Variants in SLC40A1 observed in about 807,000 individuals in gnomAD.
The protein encoded by SLC40A1 is ferroportin.
A neutral mutation model predicts 53.5 loss-of-function variants in SLC40A1; 16 were observed. That is an observed-to-expected ratio of 0.30 (90% confidence interval 0.20 to 0.45). SLC40A1 has a LOEUF of 0.45. Ranked by LOEUF, SLC40A1 falls within the 20% of genes least tolerant of loss-of-function variation. The pLI is 1.00. For missense variants in SLC40A1, 545 were observed against 695.4 expected, an observed-to-expected ratio of 0.78 and a Z score of 2.43; for synonymous variants, 247 against 253.2, an observed-to-expected ratio of 0.98 and a Z score of 0.23.
chr2:189,565,353 C>T lies in SLC40A1; in HGVS notation c.760+1G>A. 6.2e-7 allele frequency: 1 copy of T among 1,614,206 alleles called. No homozygotes were observed. Among genetic ancestry groups the T allele is most frequent in the Non-Finnish European group, 8.5e-7 (1 of 1,180,018 alleles). Reference sequence around the variant, plus strand: ...AGGAGAGATCATTGTGTTCAGTTTACCTTTGTGTAAATTCAGCTGTTTCAA... The same window carrying T: ...AGGAGAGATCATTGTGTTCAGTTTATCTTTGTGTAAATTCAGCTGTTTCAA... On this transcript the variant is annotated splice_donor_variant, in intron 6 of 7. Coordinates refer to ENST00000261024, the MANE Select transcript of SLC40A1 (RefSeq NM_014585.6). LOFTEE classifies it high-confidence loss of function.
At chr2:189,564,380 T>G (rs960189513) in intron 6 of SLC40A1, among the ~76,000 whole-genome samples, 155 bp from the exon 7 acceptor site, 1 of 152,158 alleles carries the variant, frequency 6.6e-6, no homozygotes, top group Admixed American at 6.5e-5. Flanking sequence ...AATCTAAGAA[T>G]TCCAGCCAAG....
intron 2 of SLC40A1, among the ~76,000 whole-genome samples, chr2:189,576,482 T>C (rs2031288417): frequency 6.6e-6 from 1 of 152,236 alleles, no homozygotes; most frequent in Admixed American, 6.5e-5. Flanking sequence ...AAACTTCCTG[T>C]AGACCAGTAG....
chr2:189,578,336 C>CTTCCTT, intron 2 of SLC40A1: 1 of 1,002,468 alleles, frequency 1.0e-6, no homozygotes, highest in Non-Finnish European at 1.2e-6. Flanking sequence ...CTCATGAGAA[C>CTTCCTT]TTCCTTTGCT....
At chr2:189,574,209 C>A (rs780402793) in intron 3 of SLC40A1, among the ~76,000 whole-genome samples, 27 of 152,182 alleles carry the variant, frequency 1.8e-4, no homozygotes, top group African/African-American at 4.8e-4. Flanking sequence ...CAGTGCTCAA[C>A]AATCATTAGA....
intron 5 of SLC40A1, among the ~76,000 whole-genome samples, chr2:189,567,829 C>T (rs1311987610): frequency 1.3e-5 from 2 of 152,144 alleles, no homozygotes; most frequent in Admixed American, 1.3e-4. Context: ...ACTTGACTGC[C>T]ACCGCAGAGG....
At chr2:189,580,254 G>C (rs1473321808) in intron 1 of SLC40A1, among the ~76,000 whole-genome samples, 164 bp downstream of exon 1, 1 of 152,164 alleles carries the variant, frequency 6.6e-6, no homozygotes, top group Admixed American at 6.5e-5. Context: ...CCCACACCCT[G>C]AATTTCCTTT....
chr2:189,572,550 C>T (rs1029354629), intron 4 of SLC40A1: 4 of 450,038 alleles, frequency 8.9e-6, no homozygotes, highest in African/African-American at 7.9e-5. Context: ...TTAAATAGCA[C>T]AAACAAAGTA....
chr2:189,568,927 G>T (rs542627730), intron 5 of SLC40A1, among the ~76,000 whole-genome samples: 1 of 152,300 alleles, frequency 6.6e-6, no homozygotes, highest in South Asian at 2.1e-4. Context: ...AATAGATGGA[G>T]TTAAAAAGCC....
chr2:189,562,544 G>T (rs1040656249), intron 7 of SLC40A1, among the ~76,000 whole-genome samples: 1 of 152,092 alleles, frequency 6.6e-6, no homozygotes, highest in African/African-American at 2.4e-5. Context: ...AGTTTCAAAT[G>T]ACCTAATAAA....
At position 189,560,966 on chromosome 2, in the gene SLC40A1, T is replaced by C. The variant is rs1292007909; in HGVS notation, c.*912A>G. The stretch of plus-strand genomic sequence containing the variant: ...AAATATTCTACCTGAGTGTGTTAAA[T>C]CAAGTGATTTGTAAAACAAAACCTT... On this transcript the variant is annotated 3_prime_UTR_variant, in exon 8 of 8. Transcript: ENST00000261024. 6.6e-6 allele frequency: 1 copy of C among 152,222 alleles called. No individual in the cohort carries two copies. The highest frequency in any genetic ancestry group is 1.5e-5 in the Non-Finnish European group (1 of 68,036). The allele number at this position is 152,222 out of a possible 1,614,324, so 9.4% of individuals were successfully genotyped here.
chr2:189,574,951 T>C (rs2031243375), intron 3 of SLC40A1, among the ~76,000 whole-genome samples: 1 of 152,214 alleles, frequency 6.6e-6, no homozygotes, highest in African/African-American at 2.4e-5. Context: ...CAAAAAAATC[T>C]ATTAGGTCAA....
Position 189,579,767 on chromosome 2 carries a change from T to C in SLC40A1, c.111+46A>G, listed in dbSNP as rs774754429. On this transcript the variant is annotated intron_variant, in intron 2 of 7. Coordinates refer to ENST00000261024, the MANE Select transcript of SLC40A1 (RefSeq NM_014585.6). The stretch of plus-strand genomic sequence containing the variant: ...TACAACTGGCTAGAACGAAAGGAAA[T>C]AAAAAATTGCGCAACTGTGTTGTAA... The C allele has an allele frequency of 1.1e-5, 17 of 1,544,988 alleles. No individual in the cohort carries two copies. The East Asian group carries it at 3.6e-4, about 33-fold the overall frequency.
intron 7 of SLC40A1, among the ~76,000 whole-genome samples, chr2:189,562,984 C>G (rs1232428058): frequency 6.6e-6 from 1 of 151,750 alleles, no homozygotes; most frequent in Non-Finnish European, 1.5e-5. Flanking sequence ...AATATCAAGA[C>G]TCTACTAGAT....
chr2:189,571,608 T>C lies in SLC40A1; in HGVS notation c.514+107A>G. 2.6e-6 allele frequency: 4 copies of C among 1,525,258 alleles called. No individual in the cohort carries two copies. The East Asian group carries it at 7.4e-5, about 28-fold the overall frequency. The allele number at this position is 1,525,258 out of a possible 1,614,324, so 94.5% of individuals were successfully genotyped here. ...AAGTATGCTTTCAATTTATCATTCT[T>C]AAAAAATACCCAGAACAAAAATACA... On this transcript the variant is annotated intron_variant, in intron 5 of 7. Coordinates refer to ENST00000261024, the MANE Select transcript of SLC40A1 (RefSeq NM_014585.6).
intron 2 of SLC40A1, among the ~76,000 whole-genome samples, chr2:189,577,562 T>A (rs941757814): frequency 3.9e-5 from 6 of 152,122 alleles, no homozygotes; most frequent in Non-Finnish European, 8.8e-5. Flanking sequence ...ATTAGATATC[T>A]TTTTTAAAGC....
rs2031441715 is a variant in SLC40A1, at chr2:189,580,741, G to A, written c.-281C>T. 2 of 1,348,558 alleles carry A rather than the reference G, an allele frequency of 1.5e-6. No homozygotes were observed. The highest frequency in any genetic ancestry group is 3.3e-5 in the East Asian group (1 of 30,564). 83.5% of individuals were successfully genotyped at this position (1,348,558 alleles called of 1,614,324 possible). A position where few individuals can be genotyped will look rare whatever the true frequency, so the allele number is the denominator to read the frequency against. On this transcript the variant is annotated 5_prime_UTR_variant, in exon 1 of 8. Transcript: ENST00000261024. Reference sequence around the variant, plus strand: ...TTGGGAGGCTCAGCAGGTCGTCCGAGCCTAGCGGACGCCCTGAGCCAGCTC... The same window carrying A: ...TTGGGAGGCTCAGCAGGTCGTCCGAACCTAGCGGACGCCCTGAGCCAGCTC...
chr2:189,570,817 G>C (rs2031103185), intron 5 of SLC40A1, among the ~76,000 whole-genome samples: 1 of 152,022 alleles, frequency 6.6e-6, no homozygotes. Flanking sequence ...CTGTATCCTG[G>C]GATATGCCAT....
At chr2:189,576,815 G>A (rs1253692299) in intron 2 of SLC40A1, among the ~76,000 whole-genome samples, 1 of 152,022 alleles carries the variant, frequency 6.6e-6, no homozygotes, top group Non-Finnish European at 1.5e-5. Context: ...TTCTAATACT[G>A]TTGTTTCTTT....
chr2:189,578,444 TG>T, intron 2 of SLC40A1: 1 of 871,584 alleles, frequency 1.1e-6, no homozygotes, highest in Non-Finnish European at 1.4e-6. Context: ...ACGGTGCCAC[TG>T]GTTTTCTGGC....
Sources: gnomAD v4.1 joint callset for allele counts (sites outside exome capture counted in the v4.1 genomes callset) on GRCh38, gnomAD v4.1.1 for gene constraint, MANE v1.5 for transcripts, NCBI Gene and HGNC (gene_info 2026-07-23, HGNC 2026-07-21) for gene names.